FHIP1A: variants seen among roughly 807,000 people sequenced by gnomAD.
The protein encoded by FHIP1A is FHF complex subunit HOOK interacting protein 1A.
A neutral mutation model predicts 88.6 loss-of-function variants in FHIP1A; 61 were observed. The ratio of observed to expected loss-of-function variants is 0.69; its 90% CI spans 0.56 to 0.85. FHIP1A has a LOEUF of 0.85. Among genes scored for constraint, FHIP1A ranks in the 40% least tolerant of loss-of-function variants. The probability of loss-of-function intolerance (pLI) is 0.00; values close to 1 mark genes in which losing one functional copy is unlikely to be tolerated. For missense variants in FHIP1A, 1,154 were observed against 1,273.5 expected (o/e 0.91, Z 1.43); for synonymous variants, 478 against 496.0 (o/e 0.96, Z 0.48).
chr4:151,489,323 C>T (rs897950778), intron 3 of FHIP1A, among the ~76,000 whole-genome samples: 5 of 152,170 alleles, frequency 3.3e-5, no homozygotes, highest in Non-Finnish European at 5.9e-5. Flanking sequence ...CATTCCTGGC[C>T]TTATATCACA....
chr4:151,604,534 A>G (rs565993661), intron 7 of FHIP1A, among the ~76,000 whole-genome samples: 1 of 152,142 alleles, frequency 6.6e-6, no homozygotes, highest in Admixed American at 6.5e-5. Flanking sequence ...ATTACTTTCA[A>G]TTTGGTCTTA....
intron 11 of FHIP1A, among the ~76,000 whole-genome samples, chr4:151,651,814 A>G (rs936598274): frequency 2.0e-5 from 3 of 152,234 alleles, no homozygotes; most frequent in Non-Finnish European, 4.4e-5. Context: ...TTGTATATAC[A>G]GGAAGAAAGC....
intron 10 of FHIP1A, among the ~76,000 whole-genome samples, chr4:151,647,091 C>A (rs115614141): frequency 6.6e-6 from 1 of 151,930 alleles, no homozygotes; most frequent in Non-Finnish European, 1.5e-5. Context: ...CAGAATCAGC[C>A]CTAATTTTAA....
intron 8 of FHIP1A, among the ~76,000 whole-genome samples, chr4:151,634,721 C>G (rs974412463): frequency 6.6e-6 from 1 of 151,756 alleles, no homozygotes; most frequent in Non-Finnish European, 1.5e-5. Context: ...TGAAGTTGAA[C>G]CCTTACTTTA....
Position 151,656,543 on chromosome 4 carries a change from A to C in FHIP1A, c.2730+133A>C, listed in dbSNP as rs1017878714. 3.8e-6 allele frequency: 4 copies of C among 1,040,798 alleles called. No individual in the cohort carries two copies. Among genetic ancestry groups the C allele is most frequent in the Non-Finnish European group, 5.5e-6 (4 of 724,042 alleles). The allele number at this position is 1,040,798 out of a possible 1,614,324, so 64.5% of individuals were successfully genotyped here. On this transcript the variant is annotated intron_variant, in intron 12 of 13. Coordinates refer to ENST00000435205, the MANE Select transcript of FHIP1A (RefSeq NM_001109977.3). This position sits in a 1 kb window ranked among gnomAD's most constrained non-coding sequence, Gnocchi z 4.2. ...ATTTGCTTTCCTTCCCTGTCCTATT[A>C]AGCTCACTGTGTAGTTTATTCTAGA...
chr4:151,463,279 C>G (rs758485120), intron 2 of FHIP1A, among the ~76,000 whole-genome samples: 8 of 152,204 alleles, frequency 5.3e-5, no homozygotes, highest in Non-Finnish European at 1.2e-4. Context: ...TCTTTTCTTC[C>G]TACCTCTGGT....
At chr4:151,514,858 C>T (rs1422622236) in intron 3 of FHIP1A, among the ~76,000 whole-genome samples, 5 of 152,238 alleles carry the variant, frequency 3.3e-5, no homozygotes, top group East Asian at 1.9e-4. Context: ...GATTCACAGC[C>T]GAATTCTACC....
At chr4:151,627,880 G>T (rs1196360963) in intron 7 of FHIP1A, among the ~76,000 whole-genome samples, 2 of 152,206 alleles carry the variant, frequency 1.3e-5, no homozygotes, top group Non-Finnish European at 2.9e-5. Flanking sequence ...TACATTTTAT[G>T]TGCCAGGCTT....
At chr4:151,621,012 A>G (rs893723704) in intron 7 of FHIP1A, among the ~76,000 whole-genome samples, 1 of 152,160 alleles carries the variant, frequency 6.6e-6, no homozygotes, top group African/African-American at 2.4e-5. Context: ...CTTTCCCTGC[A>G]CTATCCTAAG....
At chr4:151,560,857 TTTC>T (rs1365704199) in intron 3 of FHIP1A, among the ~76,000 whole-genome samples, 14 of 152,192 alleles carry the variant, frequency 9.2e-5, no homozygotes, top group Admixed American at 6.5e-5. Flanking sequence ...AGGGATTTAG[TTTC>T]TTCTTTAAAT....
intron 3 of FHIP1A, among the ~76,000 whole-genome samples, chr4:151,550,072 C>T (rs991320506): frequency 1.3e-5 from 2 of 151,930 alleles, no homozygotes; most frequent in Non-Finnish European, 2.9e-5. Flanking sequence ...TATTTGTTTG[C>T]CTGTTTATAT....
intron 1 of FHIP1A, among the ~76,000 whole-genome samples, chr4:151,420,975 T>C (rs1733140049): frequency 6.6e-6 from 1 of 152,196 alleles, no homozygotes; most frequent in Non-Finnish European, 1.5e-5. Flanking sequence ...ATATCATCCT[T>C]AACCTAGAGC....
At chr4:151,526,893 AG>A (rs1731684248) in intron 3 of FHIP1A, among the ~76,000 whole-genome samples, 1 of 132,136 alleles carries the variant, frequency 7.6e-6, no homozygotes. Context: ...ACGGGGCGGC[AG>A]GGCAGAGGCG....
intron 4 of FHIP1A, among the ~76,000 whole-genome samples, chr4:151,569,099 C>T (rs1411724294): frequency 3.9e-5 from 6 of 152,120 alleles, no homozygotes; most frequent in African/African-American, 1.4e-4. Flanking sequence ...GACATAAGCT[C>T]CTAGGCCTAC....
chr4:151,545,957 T>C (rs1363503894), intron 3 of FHIP1A, among the ~76,000 whole-genome samples: 2 of 152,164 alleles, frequency 1.3e-5, no homozygotes, highest in African/African-American at 2.4e-5. Context: ...AAGTGTCAAC[T>C]TGACTGGATT....
chr4:151,524,910 A>G (rs1731576291), intron 3 of FHIP1A, among the ~76,000 whole-genome samples: 1 of 152,214 alleles, frequency 6.6e-6, no homozygotes, highest in Admixed American at 6.5e-5. Context: ...CTAAGATACT[A>G]TAATAAATAC....
chr4:151,471,018 T>C (rs1729490855), intron 2 of FHIP1A, among the ~76,000 whole-genome samples: 1 of 152,120 alleles, frequency 6.6e-6, no homozygotes, highest in Non-Finnish European at 1.5e-5. Context: ...GATCACATTT[T>C]TAGTTGAATG....
intron 3 of FHIP1A, among the ~76,000 whole-genome samples, chr4:151,490,700 A>G (rs139125851): frequency 0.011 from 1,655 of 151,978 alleles, 10 homozygotes; most frequent in Non-Finnish European, 0.018. Context: ...TAATCTACTC[A>G]AGGAGGCACC....
chr4:151,595,656 G>A (rs1734619313), intron 7 of FHIP1A, among the ~76,000 whole-genome samples: 1 of 152,190 alleles, frequency 6.6e-6, no homozygotes, highest in South Asian at 2.1e-4. Flanking sequence ...TTGTGTGGGA[G>A]TCTAAGTCTG....
Sources: gnomAD v4.1 joint callset for allele counts (sites outside exome capture counted in the v4.1 genomes callset) on GRCh38, gnomAD v4.1.1 for gene constraint, Gnocchi (gnomAD v3.1) non-coding constraint, MANE v1.5 for transcripts, NCBI Gene and HGNC (gene_info 2026-07-23, HGNC 2026-07-21) for gene names.